Variants in TMEM14A observed in about 807,000 individuals in gnomAD.
TMEM14A encodes transmembrane protein 14A.
A neutral mutation model predicts 11.6 loss-of-function variants in TMEM14A; 8 were observed. The observed-to-expected ratio is 0.69, with a 90% CI of 0.40 to 1.24. The LOEUF is 1.24. TMEM14A is among the 50% of genes most tolerant of loss of function. The pLI, the probability that TMEM14A is intolerant of heterozygous loss-of-function variation, is 0.01. For missense variants in TMEM14A, 108 were observed against 121.9 expected (o/e 0.89, Z 0.54); for synonymous variants, 34 against 45.5 (o/e 0.75, Z 1.02).
At chr6:52,681,035 C>T (rs992261502) in intron 2 of TMEM14A, among the ~76,000 whole-genome samples, 43 of 152,008 alleles carry the variant, frequency 2.8e-4, no homozygotes, top group Middle Eastern at 6.8e-3. Context: ...TGACCCTACC[C>T]CCCAGGGATT....
At chr6:52,683,054 A>G (rs560260379) in intron 3 of TMEM14A, among the ~76,000 whole-genome samples, 44 of 152,336 alleles carry the variant, frequency 2.9e-4, no homozygotes, top group Middle Eastern at 3.4e-3. Flanking sequence ...CTGAACATTA[A>G]TGAGTGTCTC....
intron 3 of TMEM14A, 114 bp from the exon 4 acceptor site, chr6:52,683,964 G>C: frequency 2.1e-6 from 2 of 970,068 alleles, no homozygotes; most frequent in Non-Finnish European, 1.5e-6. Flanking sequence ...TGGCAACTCA[G>C]TACCTATCCA....
intron 2 of TMEM14A, among the ~76,000 whole-genome samples, chr6:52,678,816 C>T (rs1244530768): frequency 6.6e-6 from 1 of 152,162 alleles, no homozygotes; most frequent in Non-Finnish European, 1.5e-5. Context: ...GCTGCTACTG[C>T]CCTGCCAGTG....
At chr6:52,676,293 T>A (rs1321707970) in intron 1 of TMEM14A, among the ~76,000 whole-genome samples, 1 of 152,066 alleles carries the variant, frequency 6.6e-6, no homozygotes. Flanking sequence ...CACTCTGTCA[T>A]CCAGGCTGGA....
chr6:52,684,238 A>G (rs1382800446), intron 4 of TMEM14A, 73 bp downstream of exon 4: 34 of 1,364,096 alleles, frequency 2.5e-5, no homozygotes, highest in Non-Finnish European at 3.3e-5. Context: ...GGAAACATCA[A>G]TTTTAATTTG....
chr6:52,673,531 C>T (rs1038601697), intron 1 of TMEM14A, among the ~76,000 whole-genome samples: 1 of 152,126 alleles, frequency 6.6e-6, no homozygotes, highest in Non-Finnish European at 1.5e-5. Flanking sequence ...TGTTGCCTTC[C>T]TTATTGAGGT....
chr6:52,683,674 T>G (rs897068905), intron 3 of TMEM14A, among the ~76,000 whole-genome samples: 3 of 151,764 alleles, frequency 2.0e-5, no homozygotes, highest in Admixed American at 1.3e-4. Context: ...TGCAGTGGCG[T>G]GATCTCAGTT....
At chr6:52,682,596 G>GT (rs372691913) in intron 3 of TMEM14A, among the ~76,000 whole-genome samples, 65 of 85,036 alleles carry the variant, frequency 7.6e-4, no homozygotes, top group Non-Finnish European at 1.6e-3. Context: ...GAGATTTGGG[G>GT]TTTTTTTTTT....
At chr6:52,680,319 C>T (rs1261180083) in intron 2 of TMEM14A, among the ~76,000 whole-genome samples, 3 of 151,406 alleles carry the variant, frequency 2.0e-5, no homozygotes, top group African/African-American at 7.3e-5. Flanking sequence ...GCAGTCTGCA[C>T]AAGGAACAGT....
chr6:52,674,893 T>C (rs1362907645), intron 1 of TMEM14A, among the ~76,000 whole-genome samples: 9 of 20,028 alleles, frequency 4.5e-4, no homozygotes, highest in Middle Eastern at 0.02. Context: ...CTTCTTCTTT[T>C]TTTTTTTTTT....
chr6:52,684,162 T>C lies in TMEM14A; in HGVS notation c.257T>C (p.Leu86Ser). 1 of 1,613,292 alleles carries C rather than the reference T, an allele frequency of 6.2e-7. No homozygotes were observed. The highest frequency in any genetic ancestry group is 8.5e-7 in the Non-Finnish European group (1 of 1,179,644). ...ATGCCTGCTGGTTTGGTTGCAGGTT[T>C]AAGGTAAGTAAAACTATTTTGATCA... ...KIMPAGLVAG[L>S]SLMMILRLVL... The change falls in exon 4 of 5, where the codon TTA (leucine) becomes TCA (serine). Residue 86 changes from leucine (L) to serine (S), a missense_variant. Coordinates refer to ENST00000211314, the MANE Select transcript of TMEM14A (RefSeq NM_014051.4).
intron 1 of TMEM14A, among the ~76,000 whole-genome samples, chr6:52,676,495 C>T (rs1335411715): frequency 6.6e-6 from 1 of 152,218 alleles, no homozygotes; most frequent in East Asian, 1.9e-4. Flanking sequence ...TTTAAGCCAT[C>T]TACCTGCCTT....
At chr6:52,679,206 A>G (rs1295743802) in intron 2 of TMEM14A, among the ~76,000 whole-genome samples, 1 of 152,168 alleles carries the variant, frequency 6.6e-6, no homozygotes, top group African/African-American at 2.4e-5. Flanking sequence ...GGCGGGACAC[A>G]GGATGCTGAG....
intron 2 of TMEM14A, among the ~76,000 whole-genome samples, chr6:52,680,695 A>ATATATATATATGTG (rs1769369009): frequency 4.7e-5 from 4 of 85,568 alleles, no homozygotes; most frequent in African/African-American, 1.7e-4. Flanking sequence ...ATATATGTAT[A>ATATATATATATGTG]TATATATATA....
intron 2 of TMEM14A, among the ~76,000 whole-genome samples, chr6:52,680,706 C>CATATATGTGTAT (rs1397954310): frequency 6.9e-4 from 17 of 24,468 alleles, no homozygotes; most frequent in Middle Eastern, 0.026. Context: ...TATATATATA[C>CATATATGTGTAT]ACATATATAT....
chr6:52,681,157 G>C (rs1311534084), intron 2 of TMEM14A, among the ~76,000 whole-genome samples: 2 of 152,020 alleles, frequency 1.3e-5, no homozygotes, highest in Admixed American at 1.3e-4. Flanking sequence ...AAAGTGCTTG[G>C]TGTTTGCCAC....
Position 52,686,164 on chromosome 6 carries a change from ACT to A in TMEM14A, c.*116_*117del, listed in dbSNP as rs1229168107. On this transcript the variant is annotated 3_prime_UTR_variant, in exon 5 of 5. Coordinates refer to ENST00000211314, the MANE Select transcript of TMEM14A (RefSeq NM_014051.4). ...ATGGAATGCTAGAAACACAAATAGC[ACT>A]GTCACCTCTAATATGAACATTAGTT... 5.0e-6 allele frequency: 5 copies of A among 996,818 alleles called. No homozygotes were observed. The highest frequency in any genetic ancestry group is 7.3e-6 in the Non-Finnish European group (5 of 687,372). 61.7% of individuals were successfully genotyped at this position (996,818 alleles called of 1,614,324 possible). A position where few individuals can be genotyped will look rare whatever the true frequency, so the allele number is the denominator to read the frequency against.
chr6:52,678,329 T>G (rs13211896), intron 2 of TMEM14A, among the ~76,000 whole-genome samples: 1,376 of 30,100 alleles, frequency 0.046, 44 homozygotes, highest in African/African-American at 0.1. Flanking sequence ...ATGTGTGTGT[T>G]TGTGTGTGTG....
chr6:52,675,720 C>A (rs1769244510), intron 1 of TMEM14A, among the ~76,000 whole-genome samples: 1 of 152,222 alleles, frequency 6.6e-6, no homozygotes, highest in African/African-American at 2.4e-5. Flanking sequence ...AGCTATCTTG[C>A]AAGGAAACTA....
Sources: gnomAD v4.1 joint callset for allele counts (sites outside exome capture counted in the v4.1 genomes callset) on GRCh38, gnomAD v4.1.1 for gene constraint, MANE v1.5 for transcripts, NCBI Gene and HGNC (gene_info 2026-07-23, HGNC 2026-07-21) for gene names.